Variants in EIF2AK3 observed in about 807,000 individuals in gnomAD.
EIF2AK3 encodes eukaryotic translation initiation factor 2-alpha kinase 3.
Under a neutral mutation model 113.5 loss-of-function variants are expected in EIF2AK3, and 50 were observed. That is an observed-to-expected ratio of 0.44 (90% CI 0.35 to 0.56). The LOEUF (loss-of-function observed/expected upper bound fraction) is 0.56. Ranked by LOEUF, EIF2AK3 falls within the 20% of genes least tolerant of loss-of-function variation. The probability of loss-of-function intolerance (pLI) is 0.00; values close to 1 mark genes in which losing one functional copy is unlikely to be tolerated. For missense variants in EIF2AK3, 1,185 were observed against 1,378.0 expected, an observed-to-expected ratio of 0.86 and a Z score of 2.22; for synonymous variants, 448 against 495.4, an observed-to-expected ratio of 0.90 and a Z score of 1.27.
chr2:88,610,875 C>T (rs569255198), intron 2 of EIF2AK3, among the ~76,000 whole-genome samples: 1 of 151,680 alleles, frequency 6.6e-6, no homozygotes, highest in Non-Finnish European at 1.5e-5. Flanking sequence ...TAGGCAATAT[C>T]GAGACTCTGT....
At chr2:88,625,906 TTATAG>T (rs1483473991) in intron 1 of EIF2AK3, among the ~76,000 whole-genome samples, 1 of 152,188 alleles carries the variant, frequency 6.6e-6, no homozygotes, top group Non-Finnish European at 1.5e-5. Flanking sequence ...CTTATCCTAT[TTATAG>T]TAGTCTCCAG....
At chr2:88,613,580 A>C in intron 2 of EIF2AK3, 144 bp downstream of exon 2, 1 of 800,566 alleles carries the variant, frequency 1.2e-6, no homozygotes, top group African/African-American at 1.7e-5. Flanking sequence ...GGAATAGAAA[A>C]GTTAAGTAAT....
intron 14 of EIF2AK3, among the ~76,000 whole-genome samples, chr2:88,563,466 A>C (rs1389338011): frequency 1.3e-5 from 2 of 152,164 alleles, no homozygotes; most frequent in Non-Finnish European, 2.9e-5. Flanking sequence ...AATGTGCAAA[A>C]ACAAATCTTA....
At chr2:88,618,477 C>T (rs1675640270) in intron 1 of EIF2AK3, among the ~76,000 whole-genome samples, 1 of 152,186 alleles carries the variant, frequency 6.6e-6, no homozygotes, top group Admixed American at 6.5e-5. Flanking sequence ...ATGGTTATTT[C>T]ACCTATCTCA....
At chr2:88,621,896 AT>A (rs34216518) in intron 1 of EIF2AK3, among the ~76,000 whole-genome samples, 68 of 133,264 alleles carry the variant, frequency 5.1e-4, no homozygotes, top group Middle Eastern at 7.9e-3. Flanking sequence ...TTATTCTATA[AT>A]TTTTTTTTTT....
Position 88,588,037 on chromosome 2 carries a change from C to T in EIF2AK3, c.1374G>A (p.Lys458=), listed in dbSNP as rs767939096. The change falls in exon 8 of 17, where the codon AAG becomes AAA. Residue 458 remains lysine, a synonymous_variant. Transcript: ENST00000303236. ...DEFDKCLSND[K]FSHEEYSNGA... ...CATTACTATATTCTTCATGAGAAAA[C>T]TTATCATTACTGAGACATTTGTCAA... The T allele has an allele frequency of 1.3e-6, 2 of 1,584,080 alleles. No individual in the cohort carries two copies. Among genetic ancestry groups the T allele is most frequent in the Non-Finnish European group, 1.7e-6 (2 of 1,158,728 alleles).
At chr2:88,593,902 G>A (rs1674946079) in intron 3 of EIF2AK3, 19 of 996,204 alleles carry the variant, frequency 1.9e-5, no homozygotes, top group South Asian at 4.4e-5. Context: ...AAATCCTCAC[G>A]AAAAGCATAC....
Position 88,575,671 on chromosome 2 carries a change from AAC to A in EIF2AK3, c.2037-227_2037-226del, listed in dbSNP as rs1674439906. 5.3e-6 allele frequency: 3 copies of A among 561,378 alleles called. No homozygotes were observed. The South Asian group carries it at 5.9e-5, about 11-fold the overall frequency. The allele number at this position is 561,378 out of a possible 1,614,324, so 34.8% of individuals were successfully genotyped here. The stretch of plus-strand genomic sequence containing the variant: ...TTTTAAAGCTTAATTTTATACATGA[AAC>A]AGTTACCTGGGACTGTCTGGGGCTG... On this transcript the variant is annotated intron_variant, in intron 12 of 16. Transcript: ENST00000303236.
rs374228444 is a variant in EIF2AK3 at position 88,558,809 on chromosome 2, C to T, written c.3150+108G>A. ...GGAGCAGGTCTCTTTCCTCTCTAGA[C>T]CTTTGGCTTCCTCATCTGTAAAATA... is the stretch of plus-strand genomic sequence containing the variant. On this transcript the variant is annotated intron_variant, in intron 16 of 16. Coordinates refer to ENST00000303236, the MANE Select transcript of EIF2AK3 (RefSeq NM_004836.7). 5.1e-4 allele frequency: 457 copies of T among 890,392 alleles called. 3 individuals are homozygous for T. In the South Asian group the frequency reaches 6.7e-3, roughly 13 times the overall value. 55.2% of individuals were successfully genotyped at this position (890,392 alleles called of 1,614,324 possible). A position where few individuals can be genotyped will look rare whatever the true frequency, so the allele number is the denominator to read the frequency against.
rs1216835629 is a variant in EIF2AK3 at position 88,562,377 on chromosome 2, C to T, written c.2999G>A (p.Ser1000Asn). The change falls in exon 15 of 17, where the codon AGC (serine) becomes AAC (asparagine). Residue 1000 changes from serine (S) to asparagine (N), a missense_variant. This residue lies in a region of EIF2AK3 where 877 missense variants were observed against 1,024.2 expected (regional missense o/e 0.86). Transcript: ENST00000303236. ...YMSPEQIHGNSYSHKVDIFSL... is the reference protein window; with the variant it reads ...YMSPEQIHGNNYSHKVDIFSL... ...AAAGATGTCCACTTTATGAGAATAG[C>T]TGTTTCCATGAATCTGAAATCCCAC... 6.2e-7 allele frequency: 1 copy of T among 1,613,570 alleles called. No individual in the cohort carries two copies.
At chr2:88,623,343 G>T (rs1675779573) in intron 1 of EIF2AK3, among the ~76,000 whole-genome samples, 1 of 152,050 alleles carries the variant, frequency 6.6e-6, no homozygotes, top group South Asian at 2.1e-4. Flanking sequence ...ATTGGTACCA[G>T]AAAAACAAGT....
chr2:88,619,280 C>T (rs960897333), intron 1 of EIF2AK3, among the ~76,000 whole-genome samples: 4 of 152,110 alleles, frequency 2.6e-5, no homozygotes, highest in Admixed American at 1.3e-4. Flanking sequence ...CGTGAGCCAC[C>T]GTGCCCGGCC....
rs375515260 is a variant in EIF2AK3, at chr2:88,603,387, C to A, written c.439-7724G>T. 2.3e-4 allele frequency among the ~76,000 whole-genome samples: 35 copies of A among 152,182 alleles called. 1 individual carries two copies. The East Asian group carries it at 2.5e-3, about 11-fold the overall frequency. Reference sequence around the variant, plus strand: ...CATCCACAGGCTTCCTGCTTTTTCCCACTGCTTTCCAAGTTCCCCAGTTGA... The same window carrying A: ...CATCCACAGGCTTCCTGCTTTTTCCAACTGCTTTCCAAGTTCCCCAGTTGA... On this transcript the variant is annotated intron_variant, in intron 2 of 16. Coordinates refer to ENST00000303236, the MANE Select transcript of EIF2AK3 (RefSeq NM_004836.7).
chr2:88,616,935 A>T (rs1675601379), intron 1 of EIF2AK3, among the ~76,000 whole-genome samples: 1 of 152,200 alleles, frequency 6.6e-6, no homozygotes, highest in Admixed American at 6.5e-5. Context: ...ACTCTCTTGC[A>T]TTACAAGCCA....
At chr2:88,578,430 C>G (rs34994759) in intron 11 of EIF2AK3, among the ~76,000 whole-genome samples, 1 of 152,112 alleles carries the variant, frequency 6.6e-6, no homozygotes, top group Non-Finnish European at 1.5e-5. Flanking sequence ...TGCCTGTAAT[C>G]CCAGCACTTT....
At chr2:88,590,640 C>T in intron 5 of EIF2AK3, 35 bp from the exon 6 acceptor site, 4 of 1,606,134 alleles carry the variant, frequency 2.5e-6, no homozygotes, top group African/African-American at 1.3e-5. Context: ...TTAAATAATT[C>T]AAGCAGTAGT....
At chr2:88,601,395 C>G (rs563923074) in intron 2 of EIF2AK3, among the ~76,000 whole-genome samples, 28 of 152,348 alleles carry the variant, frequency 1.8e-4, no homozygotes, top group African/African-American at 6.5e-4. Context: ...TACGCACTTC[C>G]TATTACATTA....
chr2:88,616,474 T>G (rs1052886712), intron 1 of EIF2AK3, among the ~76,000 whole-genome samples: 1 of 152,220 alleles, frequency 6.6e-6, no homozygotes, highest in Non-Finnish European at 1.5e-5. Flanking sequence ...TCGCCCAGGC[T>G]GGAGTGCAAT....
chr2:88,559,485 C>A (rs901455995), intron 15 of EIF2AK3, among the ~76,000 whole-genome samples: 2 of 150,718 alleles, frequency 1.3e-5, no homozygotes, highest in African/African-American at 2.4e-5. Context: ...GTCCTGGAAC[C>A]AATCCCCTGT....
Sources: allele counts gnomAD v4.1 joint callset (sites outside exome capture counted in the v4.1 genomes callset), GRCh38; gene constraint gnomAD v4.1.1; regional missense constraint gnomAD v4.1.1; transcripts MANE v1.5; gene names NCBI Gene and HGNC (gene_info 2026-07-23, HGNC 2026-07-21).